The following HYAL4 variants were observed in gnomAD, a reference collection of about 807,000 sequenced individuals.
HYAL4 encodes hyaluronidase-4.
A neutral mutation model predicts 35.2 loss-of-function variants in HYAL4; 37 were observed. That is an observed-to-expected ratio of 1.05 (90% CI 0.81 to 1.38). The LOEUF is 1.38. Ranked by LOEUF, HYAL4 falls within the 40% of genes most tolerant of loss-of-function variation. The pLI, the probability that HYAL4 is intolerant of heterozygous loss-of-function variation, is 0.00. For synonymous variants in HYAL4, 198 were observed against 203.2 expected, an observed-to-expected ratio of 0.97 and a Z score of 0.22; for missense variants, 572 against 572.4, an observed-to-expected ratio of 1.00 and a Z score of 0.01.
intron 1 of HYAL4, among the ~76,000 whole-genome samples, chr7:123,839,241 G>A (rs572321184): frequency 6.7e-6 from 1 of 149,564 alleles, no homozygotes; most frequent in South Asian, 2.1e-4. Flanking sequence ...GTGGTGTTTG[G>A]TTTTCCATCC....
intron 1 of HYAL4, among the ~76,000 whole-genome samples, chr7:123,846,340 G>A (rs1484011811): frequency 1.3e-5 from 2 of 152,016 alleles, no homozygotes; most frequent in Non-Finnish European, 2.9e-5. Context: ...GGTGGATGGG[G>A]GTGTTGTTCC....
chr7:123,778,322 A>G, the HYAL4 span, among the ~76,000 whole-genome samples: 1 of 152,212 alleles, frequency 6.6e-6, no homozygotes, highest in East Asian at 1.9e-4. Context: ...TAAAACGATC[A>G]ATTTCATGAC....
chr7:123,841,382 C>T (rs534765045), upstream of HYAL4, among the ~76,000 whole-genome samples: 51 of 152,074 alleles, frequency 3.4e-4, no homozygotes, highest in African/African-American at 3.6e-4. Flanking sequence ...CTGCTGGATT[C>T]GGTTTGCCAG....
the HYAL4 span, among the ~76,000 whole-genome samples, chr7:123,776,075 TC>T: frequency 1.3e-5 from 2 of 152,216 alleles, no homozygotes; most frequent in African/African-American, 4.8e-5. Context: ...TATAAAAGTT[TC>T]AAGAAAATGT....
At chr7:123,859,911 T>C (rs1367448805) in intron 2 of HYAL4, among the ~76,000 whole-genome samples, 1 of 152,212 alleles carries the variant, frequency 6.6e-6, no homozygotes, top group Non-Finnish European at 1.5e-5. Context: ...AAGCAAGCAA[T>C]ATAACCTTTT....
chr7:123,804,853 T>C, the HYAL4 span, among the ~76,000 whole-genome samples: 1 of 152,358 alleles, frequency 6.6e-6, no homozygotes, highest in East Asian at 1.9e-4. Flanking sequence ...CTTCAATAGA[T>C]CTTTATATCA....
chr7:123,800,162 C>CAAT, the HYAL4 span, among the ~76,000 whole-genome samples: 2 of 143,820 alleles, frequency 1.4e-5, no homozygotes, highest in Non-Finnish European at 3.1e-5. Context: ...GACTCTGTGT[C>CAAT]AATTTTTTTT....
At chr7:123,869,272 C>T (rs1460012220) in intron 3 of HYAL4, 45 bp downstream of exon 3, 1 of 1,227,910 alleles carries the variant, frequency 8.1e-7, no homozygotes, top group East Asian at 2.4e-5. Flanking sequence ...CTCCTTATCT[C>T]TAAAAGGACA....
At chr7:123,807,713 C>T in the HYAL4 span, among the ~76,000 whole-genome samples, 3 of 150,704 alleles carry the variant, frequency 2.0e-5, no homozygotes, top group Non-Finnish European at 4.4e-5. Flanking sequence ...GGTGCTCAGC[C>T]TCTCAAGGTG....
chr7:123,853,757 G>A (rs1202416770), intron 2 of HYAL4, among the ~76,000 whole-genome samples: 1 of 152,158 alleles, frequency 6.6e-6, no homozygotes, highest in African/African-American at 2.4e-5. Context: ...GAGTTAGGGA[G>A]GATTCCCTGT....
the HYAL4 span, among the ~76,000 whole-genome samples, chr7:123,768,712 C>A: frequency 3.9e-5 from 6 of 152,174 alleles, no homozygotes; most frequent in Non-Finnish European, 8.8e-5. Flanking sequence ...ACCAGGTGAA[C>A]ATGTGACACA....
intron 2 of HYAL4, among the ~76,000 whole-genome samples, chr7:123,862,184 G>A (rs909980435): frequency 1.1e-4 from 17 of 152,098 alleles, no homozygotes; most frequent in African/African-American, 4.1e-4. Flanking sequence ...CTGTCTCTCA[G>A]TCTGATAAAT....
intron 2 of HYAL4, among the ~76,000 whole-genome samples, chr7:123,854,447 C>T (rs946223405): frequency 1.3e-5 from 2 of 152,106 alleles, no homozygotes; most frequent in African/African-American, 4.8e-5. Context: ...TTTCAAAGAA[C>T]TTATTTATTT....
intron 2 of HYAL4, among the ~76,000 whole-genome samples, chr7:123,861,563 G>A (rs36928): frequency 0.97 from 147,855 of 152,290 alleles, 71,796 homozygotes; most frequent in East Asian, 1. Flanking sequence ...CTTTAATACA[G>A]AGATAATTTA....
chr7:123,831,628 T>C (rs1435177256), intron 1 of HYAL4, among the ~76,000 whole-genome samples: 3 of 152,232 alleles, frequency 2.0e-5, no homozygotes, highest in Non-Finnish European at 4.4e-5. Context: ...CTTTATACTT[T>C]TGGTCTGTAT....
At chr7:123,800,982 A>G in the HYAL4 span, among the ~76,000 whole-genome samples, 1 of 152,078 alleles carries the variant, frequency 6.6e-6, no homozygotes, top group Non-Finnish European at 1.5e-5. Context: ...TCAAAATAAA[A>G]TTTATTTTAT....
chr7:123,868,810 A>G lies in HYAL4; in HGVS notation c.537A>G (p.Ser179=), dbSNP rs377282603. The part of the protein sequence containing the change: ...KLISDMGKNV[S]ATDIEYLAKV... ...TTTCCGATATGGGAAAGAATGTATC[A>G]GCTACCGATATTGAATATTTAGCCA... Residue 179 remains serine (S), a synonymous_variant, in exon 3 of 5, where the codon TCA becomes TCG. Transcript: ENST00000223026. 19 of 1,614,112 alleles carry G rather than the reference A, an allele frequency of 1.2e-5. No individual in the cohort carries two copies. Among genetic ancestry groups the G allele is most frequent in the South Asian group, 9.9e-5 (9 of 91,092 alleles).
chr7:123,859,743 C>G (rs1791461194), intron 2 of HYAL4, among the ~76,000 whole-genome samples: 1 of 152,166 alleles, frequency 6.6e-6, no homozygotes, highest in South Asian at 2.1e-4. Context: ...TGCATCTTCT[C>G]TTATATATCC....
At chr7:123,797,885 C>A in the HYAL4 span, among the ~76,000 whole-genome samples, 1 of 152,148 alleles carries the variant, frequency 6.6e-6, no homozygotes, top group Non-Finnish European at 1.5e-5. Context: ...GGACTCAATT[C>A]CAAATTCTCA....
Sources: gnomAD v4.1 joint callset for allele counts (sites outside exome capture counted in the v4.1 genomes callset) on GRCh38, gnomAD v4.1.1 for gene constraint, MANE v1.5 for transcripts, NCBI Gene and HGNC (gene_info 2026-07-23, HGNC 2026-07-21) for gene names.